LIMCH1: variants seen among roughly 807,000 people sequenced by gnomAD.
The protein encoded by LIMCH1 is LIM and calponin homology domains-containing protein 1.
A neutral mutation model predicts 176.5 loss-of-function variants in LIMCH1; 113 were observed. The observed-to-expected ratio is 0.64, with a 90% CI of 0.55 to 0.75. The LOEUF is 0.75. Among genes scored for constraint, LIMCH1 ranks in the 30% least tolerant of loss-of-function variants. The probability of loss-of-function intolerance (pLI) is 0.00; values close to 1 mark genes in which losing one functional copy is unlikely to be tolerated. For synonymous variants in LIMCH1, 619 were observed against 645.9 expected (o/e 0.96, Z 0.63); for missense variants, 1,674 against 1,814.9 (o/e 0.92, Z 1.41).
At chr4:41,658,922 C>A (rs2094536073) in intron 18 of LIMCH1, among the ~76,000 whole-genome samples, 1 of 152,070 alleles carries the variant, frequency 6.6e-6, no homozygotes, top group South Asian at 2.1e-4. Flanking sequence ...ATAATGTAAT[C>A]CATTTGTGGG....
chr4:41,451,636 C>A (rs2063899311), intron 1 of LIMCH1, among the ~76,000 whole-genome samples: 1 of 152,166 alleles, frequency 6.6e-6, no homozygotes. Flanking sequence ...TTGCGTCTTT[C>A]ATCTCAAATC....
intron 1 of LIMCH1, chr4:41,385,910 A>G (rs1013161444): frequency 2.6e-5 from 4 of 152,250 alleles, no homozygotes; most frequent in East Asian, 1.9e-4. Context: ...TGTCAAGGCT[A>G]AGGATGAATG....
intron 1 of LIMCH1, among the ~76,000 whole-genome samples, chr4:41,448,426 G>C (rs1220400769): frequency 4.6e-5 from 7 of 152,278 alleles, no homozygotes; most frequent in African/African-American, 1.7e-4. Context: ...TTCAGGGCCT[G>C]AGCTTGTCTG....
chr4:41,648,658 GGTGT>G (rs71650941), intron 17 of LIMCH1, among the ~76,000 whole-genome samples: 9,198 of 135,308 alleles, frequency 0.068, 509 homozygotes, highest in African/African-American at 0.16. Flanking sequence ...AAGGGGTAGG[GGTGT>G]GTGTGTGTGT....
At chr4:41,376,601 T>A (rs2054807276) in intron 1 of LIMCH1, among the ~76,000 whole-genome samples, 1 of 152,144 alleles carries the variant, frequency 6.6e-6, no homozygotes, top group South Asian at 2.1e-4. Flanking sequence ...TAAATATTTA[T>A]ACTTAAAATA....
At chr4:41,453,960 C>G (rs2064204518) in intron 1 of LIMCH1, among the ~76,000 whole-genome samples, 1 of 152,024 alleles carries the variant, frequency 6.6e-6, no homozygotes, top group Non-Finnish European at 1.5e-5. Context: ...TCTCCTTGCC[C>G]CGCCTCCTCC....
chr4:41,514,190 C>T (rs972272540), intron 2 of LIMCH1, among the ~76,000 whole-genome samples: 2 of 151,952 alleles, frequency 1.3e-5, no homozygotes, highest in African/African-American at 4.8e-5. Context: ...AAATTGAGGC[C>T]CTAACAAGGA....
At chr4:41,664,002 T>C (rs2094728858) in intron 20 of LIMCH1, among the ~76,000 whole-genome samples, 1 of 152,028 alleles carries the variant, frequency 6.6e-6, no homozygotes, top group African/African-American at 2.4e-5. Flanking sequence ...ATTATACCAC[T>C]GCACTCTAAC....
chr4:41,681,141 C>T, intron 25 of LIMCH1, 82 bp downstream of exon 25: 2 of 772,554 alleles, frequency 2.6e-6, no homozygotes, highest in Non-Finnish European at 4.4e-6. Context: ...GGTTACCGAA[C>T]AGACTCACTA....
chr4:41,607,596 TTCCCCTGCTA>T (rs1476343104), intron 4 of LIMCH1, among the ~76,000 whole-genome samples: 1 of 152,212 alleles, frequency 6.6e-6, no homozygotes, highest in Non-Finnish European at 1.5e-5. Flanking sequence ...TGTCTCACAG[TTCCCCTGCTA>T]GATTCTGTTG....
chr4:41,411,339 G>A (rs78974798), intron 1 of LIMCH1, among the ~76,000 whole-genome samples: 5,585 of 152,166 alleles, frequency 0.037, 136 homozygotes, highest in Middle Eastern at 0.065. Context: ...TTTCTCAGCC[G>A]AAAATTACTA....
chr4:41,366,864 A>G (rs2053081707), intron 1 of LIMCH1, among the ~76,000 whole-genome samples: 1 of 152,220 alleles, frequency 6.6e-6, no homozygotes. Flanking sequence ...ATACTGCCAT[A>G]AAGATACGAC....
chr4:41,606,342 A>T (rs979841437), intron 4 of LIMCH1, among the ~76,000 whole-genome samples: 7 of 152,182 alleles, frequency 4.6e-5, no homozygotes, highest in Non-Finnish European at 8.8e-5. Flanking sequence ...TAAACAATGC[A>T]GTATTATGCA....
intron 3 of LIMCH1, among the ~76,000 whole-genome samples, chr4:41,604,726 C>T (rs1231121722): frequency 6.6e-6 from 1 of 152,004 alleles, no homozygotes; most frequent in African/African-American, 2.4e-5. Context: ...TTTTATGGTC[C>T]TAGTTAATGT....
rs58767778 is a variant in LIMCH1, at chr4:41,454,268, G to A, written c.97-40268G>A. Among the ~76,000 whole-genome samples, 484 of 152,258 alleles carry A rather than the reference G, an allele frequency of 3.2e-3. 3 individuals are homozygous for A. The highest frequency in any genetic ancestry group is 0.011 in the African/African-American group (464 of 41,550). On this transcript the variant is annotated intron_variant, in intron 1 of 26. Coordinates refer to the LIMCH1 transcript ENST00000313860. ...TAAAATCTGGTAAATAAGGGAATGC[G>A]TAAATTAAACAGCCAAGTGATTCTC...
At chr4:41,451,436 A>G (rs1249546110) in intron 1 of LIMCH1, among the ~76,000 whole-genome samples, 1 of 152,082 alleles carries the variant, frequency 6.6e-6, no homozygotes, top group Non-Finnish European at 1.5e-5. Flanking sequence ...CGAAAGGGTA[A>G]TTATTTTAAA....
chr4:41,360,969 C>G lies in LIMCH1; in HGVS notation c.96+33C>G. On this transcript the variant is annotated intron_variant, in intron 1 of 26. Transcript: ENST00000313860. This position sits in a 1 kb window ranked among gnomAD's most constrained non-coding sequence, Gnocchi z 4.5. ...CGGGTGGCTGGCGGGCGGCCTTGCA[C>G]TGGCGCCCTGAGCCACGGACCCGCG... 6.7e-7 allele frequency: 1 copy of G among 1,502,082 alleles called. No individual in the cohort carries two copies. Among genetic ancestry groups the G allele is most frequent in the Non-Finnish European group, 9.0e-7 (1 of 1,111,290 alleles). 93.0% of individuals were successfully genotyped at this position (1,502,082 alleles called of 1,614,324 possible).
At position 41,676,390 on chromosome 4, in the gene LIMCH1, C is replaced by A; in HGVS notation, c.3447C>A (p.Phe1149Leu). 6.2e-7 allele frequency: 1 copy of A among 1,613,640 alleles called. No homozygotes were observed. Among genetic ancestry groups the A allele is most frequent in the South Asian group, 1.1e-5 (1 of 91,024 alleles). ...EKSPVMTPFK[F>L]WAWDPEEERR... ...TTCATTTTTCTAAGCAGTTTAAGTT[C>A]TGGGCATGGGACCCAGAAGAGGAGC... The change falls in exon 23 of 32, where the codon TTC (phenylalanine) becomes TTA (leucine). Residue 1149 changes from phenylalanine (F) to leucine (L), a missense_variant. Phe to Leu is a conservative substitution (Grantham distance 22, BLOSUM62 0). This residue lies in a region of LIMCH1 where 1,015 missense variants were observed against 1,102.5 expected (regional missense o/e 0.92). Coordinates refer to ENST00000503057, the MANE Select transcript of LIMCH1 (RefSeq NM_001330672.2).
At chr4:41,649,837 G>A (rs1585322501) in intron 17 of LIMCH1, among the ~76,000 whole-genome samples, 1 of 152,096 alleles carries the variant, frequency 6.6e-6, no homozygotes, top group Admixed American at 6.6e-5. Flanking sequence ...AAAAATGGAG[G>A]TTATAAAAGT....
Sources: gnomAD v4.1 joint callset for allele counts (sites outside exome capture counted in the v4.1 genomes callset) on GRCh38, gnomAD v4.1.1 for gene constraint, gnomAD v4.1.1 regional missense constraint, Gnocchi (gnomAD v3.1) non-coding constraint, MANE v1.5 for transcripts, NCBI Gene and HGNC (gene_info 2026-07-23, HGNC 2026-07-21) for gene names.